Variants in LTF observed in about 807,000 individuals in gnomAD.
LTF encodes the protein epididymis luminal protein 110.
Under a neutral mutation model 87.2 loss-of-function variants are expected in LTF, and 91 were observed. The ratio of observed to expected loss-of-function variants is 1.04; its 90% CI spans 0.88 to 1.24. The LOEUF is 1.24. Among genes scored for constraint, LTF ranks in the 50% most tolerant of loss-of-function variants. The pLI is 0.00. For missense variants in LTF, 901 were observed against 904.3 expected, an observed-to-expected ratio of 1.00 and a Z score of 0.05; for synonymous variants, 378 against 356.1, an observed-to-expected ratio of 1.06 and a Z score of -0.69.
At chr3:46,446,529 A>T (rs374858137) in intron 10 of LTF, 36 bp from the exon 11 acceptor site, 187 of 1,588,186 alleles carry the variant, frequency 1.2e-4, no homozygotes, top group Non-Finnish European at 1.5e-4. Flanking sequence ...ATCATTATCC[A>T]TTCAGATGTA....
At chr3:46,449,256 T>A (rs558169972) in intron 8 of LTF, among the ~76,000 whole-genome samples, 1 of 152,348 alleles carries the variant, frequency 6.6e-6, no homozygotes, top group African/African-American at 2.4e-5. Context: ...TGGCTTCTAA[T>A]CTATCCATTA....
chr3:46,449,460 C>G (rs997057355), intron 8 of LTF, among the ~76,000 whole-genome samples: 5 of 152,188 alleles, frequency 3.3e-5, no homozygotes, highest in African/African-American at 1.2e-4. Context: ...CCCCAGCCCC[C>G]CAGTAGAGAA....
intron 1 of LTF, among the ~76,000 whole-genome samples, chr3:46,482,640 GAAAGAAAGAAA>G: frequency 1.1e-5 from 1 of 91,816 alleles, no homozygotes; most frequent in South Asian, 4.3e-4. Context: ...AAGAAAGAAA[GAAAGAAAGAAA>G]GAAAGAAAGA....
chr3:46,451,880 A>G (rs1702812319), intron 6 of LTF, among the ~76,000 whole-genome samples: 1 of 152,210 alleles, frequency 6.6e-6, no homozygotes, highest in Non-Finnish European at 1.5e-5. Context: ...CAGGGGTGAG[A>G]CACCACGCCT....
intron 1 of LTF, among the ~76,000 whole-genome samples, chr3:46,472,527 T>TGAGAGA (rs374266932): frequency 2.3e-5 from 3 of 130,728 alleles, no homozygotes; most frequent in African/African-American, 9.1e-5. Flanking sequence ...TGTGTGTGTG[T>TGAGAGA]GAGAGAGAGA....
intron 14 of LTF, 34 bp downstream of exon 14, chr3:46,441,382 G>A: frequency 6.4e-7 from 1 of 1,565,644 alleles, no homozygotes; most frequent in Non-Finnish European, 8.8e-7. Context: ...CAAAGACTCT[G>A]CTTTGAAGGA....
At position 46,445,316 on chromosome 3, in the gene LTF, C is replaced by A. The variant is rs200127456; in HGVS notation, c.1478G>T (p.Gly493Val). 7 of 1,613,318 alleles carry A rather than the reference C, an allele frequency of 4.3e-6. No individual in the cohort carries two copies. Among genetic ancestry groups the A allele is most frequent in the Non-Finnish European group, 5.9e-6 (7 of 1,179,668 alleles). ...DRTAGWNIPM[G>V]LLFNQTGSCK... The stretch of plus-strand genomic sequence containing the variant: ...GGAGCCCGTCTGGTTGAAGAGCAGG[C>A]CCATGGGGATATTCCAGCCTGCAGT... Residue 493 changes from glycine (G) to valine (V), a missense_variant, in exon 12 of 17, where the codon GGC becomes GTC. By Grantham distance (109) the Gly-to-Val change is moderately radical. Coordinates refer to ENST00000231751, the MANE Select transcript of LTF (RefSeq NM_002343.6).
upstream of LTF, among the ~76,000 whole-genome samples, chr3:46,465,402 A>G (rs545998458): frequency 6.6e-6 from 1 of 152,238 alleles, no homozygotes; most frequent in Non-Finnish European, 1.5e-5. Context: ...GCCTAGGGAC[A>G]GCTGACAGAG....
chr3:46,471,803 T>C (rs1169834883), intron 1 of LTF, among the ~76,000 whole-genome samples: 1 of 152,142 alleles, frequency 6.6e-6, no homozygotes, highest in African/African-American at 2.4e-5. Context: ...TCTCCTCTCC[T>C]ACAGCCCCAT....
At chr3:46,443,359 T>A in intron 13 of LTF, 82 bp downstream of exon 13, 3 of 1,537,276 alleles carry the variant, frequency 2.0e-6, no homozygotes, top group Non-Finnish European at 2.7e-6. Flanking sequence ...ACAGGTCACA[T>A]CTGGCTCCTT....
chr3:46,450,497 G>T lies in LTF; in HGVS notation c.880C>A (p.Gln294Lys). 1 of 1,609,570 alleles carries T rather than the reference G, an allele frequency of 6.2e-7. No homozygotes were observed. Among genetic ancestry groups the T allele is most frequent in the Non-Finnish European group, 8.5e-7 (1 of 1,178,234 alleles). Residue 294 changes from glutamine (Q) to lysine (K), a missense_variant and splice_region_variant, in exon 7 of 17, where the codon CAG becomes AAG. Gln to Lys is a moderately conservative substitution (Grantham distance 53). Coordinates refer to ENST00000231751, the MANE Select transcript of LTF (RefSeq NM_002343.6). The part of the protein sequence containing the change: ...DAIWNLLRQA[Q>K]EKFGKDKSPK... ...GGGAGGACCGTGGGTGAAGATACCT[G>T]TGCCTGGCGGAGAAGATTCCAGATG...
At chr3:46,451,243 T>A (rs1457513048) in intron 6 of LTF, among the ~76,000 whole-genome samples, 2 of 152,358 alleles carry the variant, frequency 1.3e-5, no homozygotes, top group South Asian at 4.1e-4. Context: ...AGTCATTTTA[T>A]GAGATTAGTA....
upstream of LTF, chr3:46,469,561 G>A (rs1005682460): frequency 6.6e-6 from 1 of 152,272 alleles, no homozygotes; most frequent in Non-Finnish European, 1.5e-5. Context: ...TAGGGCCTTG[G>A]TGTCTTAGTA....
Position 46,438,144 on chromosome 3 carries a change from C to A in LTF, c.1909-15G>T, listed in dbSNP as rs1436135934. 1.2e-6 allele frequency: 2 copies of A among 1,608,668 alleles called. No individual in the cohort carries two copies. Among genetic ancestry groups the A allele is most frequent in the Admixed American group, 3.4e-5 (2 of 59,378 alleles). On this transcript the variant is annotated splice_polypyrimidine_tract_variant and intron_variant, in intron 15 of 16. Coordinates refer to ENST00000231751, the MANE Select transcript of LTF (RefSeq NM_002343.6). Reference sequence around the variant, plus strand: ...CCAAATTTAGCCTGCGACAAAAGGGCAGACAGTGAGTAGCTAAGGAAAAGA... The same window carrying A: ...CCAAATTTAGCCTGCGACAAAAGGGAAGACAGTGAGTAGCTAAGGAAAAGA...
Position 46,439,356 on chromosome 3 carries a change from A to T in LTF, c.1848T>A (p.His616Gln). 1 of 1,614,220 alleles carries T rather than the reference A, an allele frequency of 6.2e-7. No homozygotes were observed. Among genetic ancestry groups the T allele is most frequent in the Non-Finnish European group, 8.5e-7 (1 of 1,180,026 alleles). ...RSCHLAMAPN[H>Q]AVVSRMDKVE... is the part of the protein sequence containing the mutation. ...CCTTATCCATCCGAGACACCACGGC[A>T]TGATTCGGGGCCATGGCAAGATGGC... Residue 616 changes from histidine (H) to glutamine (Q), a missense_variant, in exon 15 of 17, where the codon CAT becomes CAA. His to Gln is a conservative substitution (Grantham distance 24). Transcript: ENST00000231751.
At chr3:46,468,946 T>A (rs1465315191), upstream of LTF, among the ~76,000 whole-genome samples, 1 of 152,234 alleles carries the variant, frequency 6.6e-6, no homozygotes, top group African/African-American at 2.4e-5. Context: ...AGAGGGCCAG[T>A]TGACCAGCAC....
intron 1 of LTF, among the ~76,000 whole-genome samples, chr3:46,482,155 CATT>C (rs1703440685): frequency 6.6e-6 from 1 of 152,014 alleles, no homozygotes; most frequent in African/African-American, 2.4e-5. Flanking sequence ...GTTTAGTCTG[CATT>C]ATTAACATTT....
intron 1 of LTF, among the ~76,000 whole-genome samples, chr3:46,475,505 T>G (rs1703348510): frequency 6.9e-6 from 1 of 144,470 alleles, no homozygotes. Context: ...TTTCATCTGC[T>G]CTCCCCCTAA....
chr3:46,456,422 G>A (rs764091257), intron 2 of LTF, 24 bp from the exon 3 acceptor site: 1 of 1,598,284 alleles, frequency 6.3e-7, no homozygotes, highest in Non-Finnish European at 8.6e-7. Flanking sequence ...GGCCAGACTG[G>A]CTTCAGCAGA....
Sources: gnomAD v4.1 joint callset for allele counts (sites outside exome capture counted in the v4.1 genomes callset) on GRCh38, gnomAD v4.1.1 for gene constraint, MANE v1.5 for transcripts, NCBI Gene and HGNC (gene_info 2026-07-23, HGNC 2026-07-21) for gene names.